Variants in NRXN1 observed in about 807,000 individuals in gnomAD.
NRXN1 encodes neurexin 1, also known as neurexin-1.
A neutral mutation model predicts 150.9 loss-of-function variants in NRXN1; 39 were observed. The observed-to-expected ratio is 0.26, with a 90% CI of 0.20 to 0.34. NRXN1 has a LOEUF of 0.34. Ranked by LOEUF, NRXN1 falls within the 10% of genes least tolerant of loss-of-function variation. The probability of loss-of-function intolerance (pLI) is 1.00; values close to 1 mark genes in which losing one functional copy is unlikely to be tolerated. For synonymous variants in NRXN1, 924 were observed against 757.0 expected (o/e 1.22, Z -3.62); for missense variants, 1,815 against 1,949.9 (o/e 0.93, Z 1.30).
intron 5 of NRXN1, chr2:50,631,360 A>G (rs1682289000): frequency 4.1e-6 from 1 of 244,604 alleles, no homozygotes; most frequent in Non-Finnish European, 8.0e-6. Flanking sequence ...TTGATGATAC[A>G]CTTGAAGTCA....
chr2:50,889,434 C>G (rs1680731646), intron 5 of NRXN1, among the ~76,000 whole-genome samples: 1 of 151,718 alleles, frequency 6.6e-6, no homozygotes, highest in Admixed American at 6.6e-5. Flanking sequence ...TCAATAAACA[C>G]TCCGTAAGTT....
chr2:50,813,294 T>C (rs1668484855), intron 5 of NRXN1, among the ~76,000 whole-genome samples: 1 of 152,202 alleles, frequency 6.6e-6, no homozygotes, highest in Non-Finnish European at 1.5e-5. Context: ...TACCATTTTC[T>C]TTTTTGTTAT....
chr2:50,635,726 A>G (rs1559054227), intron 5 of NRXN1, among the ~76,000 whole-genome samples: 1 of 151,886 alleles, frequency 6.6e-6, no homozygotes, highest in African/African-American at 2.4e-5. Context: ...TGCCTTAAAG[A>G]CTCTGTGCTG....
At chr2:50,341,553 A>G (rs1176477070) in intron 17 of NRXN1, among the ~76,000 whole-genome samples, 5 of 152,238 alleles carry the variant, frequency 3.3e-5, no homozygotes, top group African/African-American at 1.2e-4. Context: ...CAGTGCTAGT[A>G]AATGGCAATG....
At chr2:50,055,570 C>T (rs891197937) in intron 19 of NRXN1, among the ~76,000 whole-genome samples, 1 of 152,128 alleles carries the variant, frequency 6.6e-6, no homozygotes, top group Non-Finnish European at 1.5e-5. Flanking sequence ...TCTTATTCAC[C>T]TCATTTAAGA....
intron 21 of NRXN1, among the ~76,000 whole-genome samples, chr2:49,960,348 TAG>T (rs891011418): frequency 1.3e-5 from 2 of 152,258 alleles, no homozygotes; most frequent in African/African-American, 4.8e-5. Flanking sequence ...TATGCAAATG[TAG>T]AGATCTAGTC....
chr2:49,961,243 C>G (rs1675883044), intron 21 of NRXN1, among the ~76,000 whole-genome samples: 1 of 151,874 alleles, frequency 6.6e-6, no homozygotes, highest in African/African-American at 2.4e-5. Context: ...TTATTAGCTA[C>G]CAAACCCTGG....
At chr2:50,127,166 C>T (rs1704717112) in intron 18 of NRXN1, among the ~76,000 whole-genome samples, 2 of 151,950 alleles carry the variant, frequency 1.3e-5, no homozygotes, top group South Asian at 4.1e-4. Context: ...TGAATCAGAC[C>T]CTATCAACTA....
intron 17 of NRXN1, among the ~76,000 whole-genome samples, chr2:50,410,334 T>C (rs775593393): frequency 6.6e-6 from 1 of 152,226 alleles, no homozygotes; most frequent in Non-Finnish European, 1.5e-5. Flanking sequence ...TGAATTCCTA[T>C]TGTTTTTGTT....
chr2:50,406,528 G>A lies in NRXN1; in HGVS notation c.3364+58914C>T, dbSNP rs75074052. Among the ~76,000 whole-genome samples the A allele has an allele frequency of 7.4e-3, 1,124 of 152,140 alleles. 18 individuals are homozygous for A. The highest frequency in any genetic ancestry group is 0.026 in the African/African-American group (1,072 of 41,532). On this transcript the variant is annotated intron_variant, in intron 17 of 22. Transcript: ENST00000401669. ...AAAACTTTATCTTTGCATAAACTTT[G>A]TTGTTTTGACTCTGCAATCAGGAAG...
chr2:50,518,771 C>T (rs1573368315), intron 12 of NRXN1, among the ~76,000 whole-genome samples: 1 of 151,300 alleles, frequency 6.6e-6, no homozygotes, highest in Non-Finnish European at 1.5e-5. Context: ...ATGAATTTAC[C>T]TTTTACTTTC....
intron 22 of NRXN1, among the ~76,000 whole-genome samples, chr2:49,925,248 C>T (rs1047087041): frequency 7.0e-6 from 1 of 143,678 alleles, no homozygotes. Flanking sequence ...CACTACACTC[C>T]AGCCTGGCAA....
intron 5 of NRXN1, among the ~76,000 whole-genome samples, chr2:50,645,753 T>C (rs748517070): frequency 1.3e-5 from 2 of 152,042 alleles, no homozygotes; most frequent in Non-Finnish European, 2.9e-5. Context: ...TCTACTACCC[T>C]TTTAAACTTT....
At position 50,551,074 on chromosome 2, in the gene NRXN1, AGAG is replaced by A. The variant is rs1190766975; in HGVS notation, c.1759+1510_1759+1512del. 1.0e-2 allele frequency among the ~76,000 whole-genome samples: 1,102 copies of A among 110,508 alleles called. 14 individuals carry two copies. Among genetic ancestry groups the A allele is most frequent in the African/African-American group, 0.027 (753 of 28,108 alleles). The allele number at this position is 110,508 out of a possible 152,430, so 72.5% of individuals were successfully genotyped here. A position where few individuals can be genotyped will look rare whatever the true frequency, so the allele number is the denominator to read the frequency against. ...AGGAAGAAGAAGAAGAAGAAGAAGA[AGAG>A]GAGGAGGAGGAGGAGGAGGAGGAGG... On this transcript the variant is annotated intron_variant, in intron 9 of 22. Coordinates refer to ENST00000401669, the MANE Select transcript of NRXN1 (RefSeq NM_001330078.2).
chr2:50,564,640 G>A (rs1669593097), intron 8 of NRXN1, among the ~76,000 whole-genome samples: 1 of 151,990 alleles, frequency 6.6e-6, no homozygotes, highest in Non-Finnish European at 1.5e-5. Context: ...AGCTTATACT[G>A]GGTGGACTAA....
chr2:50,873,043 A>C (rs561740338), intron 5 of NRXN1, among the ~76,000 whole-genome samples: 1 of 151,820 alleles, frequency 6.6e-6, no homozygotes, highest in Non-Finnish European at 1.5e-5. Context: ...TATGATGTCT[A>C]AAAGTTAGAT....
At chr2:50,345,924 G>A (rs1184031348) in intron 17 of NRXN1, among the ~76,000 whole-genome samples, 1 of 152,150 alleles carries the variant, frequency 6.6e-6, no homozygotes, top group Non-Finnish European at 1.5e-5. Context: ...CCGGGAGATG[G>A]GTATGTGTAG....
At chr2:50,066,343 A>G (rs1338727771) in intron 19 of NRXN1, among the ~76,000 whole-genome samples, 1 of 152,178 alleles carries the variant, frequency 6.6e-6, no homozygotes, top group Non-Finnish European at 1.5e-5. Context: ...GATTTAAGTA[A>G]AAGTTCAAGA....
chr2:50,049,150 T>C (rs766843838), intron 21 of NRXN1, among the ~76,000 whole-genome samples: 1 of 152,152 alleles, frequency 6.6e-6, no homozygotes, highest in South Asian at 2.1e-4. Context: ...ATATAATTTA[T>C]AGACCAAATG....
Sources: gnomAD v4.1 joint callset for allele counts (sites outside exome capture counted in the v4.1 genomes callset) on GRCh38, gnomAD v4.1.1 for gene constraint, MANE v1.5 for transcripts, NCBI Gene and HGNC (gene_info 2026-07-23, HGNC 2026-07-21) for gene names.